The following ACVR1C variants were observed in gnomAD, a reference collection of about 807,000 sequenced individuals.
The protein encoded by ACVR1C is activin receptor type-1C.
In ACVR1C, 23 loss-of-function variants were observed where a neutral mutation model predicts 57.9. The observed-to-expected ratio is 0.40, with a 90% CI of 0.29 to 0.56. ACVR1C has a LOEUF of 0.56. ACVR1C is among the 20% of genes least tolerant of loss of function. The pLI, the probability that ACVR1C is intolerant of heterozygous loss-of-function variation, is 0.50. For synonymous variants in ACVR1C, 214 were observed against 215.3 expected (o/e 0.99, Z 0.05); for missense variants, 480 against 607.9 (o/e 0.79, Z 2.21).
chr2:157,610,885 C>A (rs1682516465), intron 1 of ACVR1C, among the ~76,000 whole-genome samples: 1 of 151,908 alleles, frequency 6.6e-6, no homozygotes, highest in African/African-American at 2.4e-5. Context: ...TCCAGGATTT[C>A]TTATTATATC....
intron 1 of ACVR1C, among the ~76,000 whole-genome samples, chr2:157,595,188 CA>C (rs1682063175): frequency 6.6e-6 from 1 of 152,242 alleles, no homozygotes; most frequent in Admixed American, 6.5e-5. Flanking sequence ...TCTCTTAAAA[CA>C]TCCCTTTGAA....
chr2:157,565,151 G>A (rs1558980036), intron 2 of ACVR1C, among the ~76,000 whole-genome samples: 1 of 151,950 alleles, frequency 6.6e-6, no homozygotes, highest in Non-Finnish European at 1.5e-5. Context: ...AAAAAGAGTG[G>A]GGGAGGAGGG....
At chr2:157,575,858 CTA>C (rs1245840224) in intron 2 of ACVR1C, among the ~76,000 whole-genome samples, 1 of 152,080 alleles carries the variant, frequency 6.6e-6, no homozygotes, top group Non-Finnish European at 1.5e-5. Context: ...AAGTCAGACA[CTA>C]TACAAATTGA....
chr2:157,534,083 C>G, intron 8 of ACVR1C, 40 bp from the exon 9 acceptor site: 1 of 1,434,098 alleles, frequency 7.0e-7, no homozygotes, highest in Non-Finnish European at 9.2e-7. Flanking sequence ...TTTAGCTACT[C>G]TACATAAAAC....
chr2:157,541,172 A>G lies in ACVR1C; in HGVS notation c.1143T>C (p.Asn381=), dbSNP rs1558969222. ...PEMLDDTMNV[N]IFESFKRADI... ...CAGCTCGTTTGAAGGACTCAAAGAT[A>G]TTCACATTCATTGTATCATCAAGCA... Residue 381 remains asparagine (N), a synonymous_variant, in exon 7 of 9, where the codon AAT becomes AAC. Coordinates refer to ENST00000243349, the MANE Select transcript of ACVR1C (RefSeq NM_145259.3). The G allele has an allele frequency of 6.2e-7, 1 of 1,613,968 alleles. No homozygotes were observed. The highest frequency in any genetic ancestry group is 8.5e-7 in the Non-Finnish European group (1 of 1,179,894).
At chr2:157,608,841 TTTTG>T (rs1442169819) in intron 1 of ACVR1C, among the ~76,000 whole-genome samples, 3 of 152,094 alleles carry the variant, frequency 2.0e-5, no homozygotes, top group Admixed American at 6.5e-5. Flanking sequence ...TCACTTCTGA[TTTTG>T]TTTATTTGTG....
chr2:157,528,952 A>G lies in ACVR1C; in HGVS notation c.*4966T>C, dbSNP rs1687296599. 2 of 152,192 alleles carry G rather than the reference A, an allele frequency of 1.3e-5. No homozygotes were observed. The highest frequency in any genetic ancestry group is 2.9e-5 in the Non-Finnish European group (2 of 68,020). 9.4% of individuals were successfully genotyped at this position (152,192 alleles called of 1,614,324 possible). A position where few individuals can be genotyped will look rare whatever the true frequency, so the allele number is the denominator to read the frequency against. ...AGAAGTTTGGACAGGTTAAACGACA[A>G]CTAAAGAAATACAGGAATTATAGAG... On this transcript the variant is annotated 3_prime_UTR_variant, in exon 9 of 9. Transcript: ENST00000243349.
chr2:157,594,261 A>G (rs1265860724), intron 1 of ACVR1C, among the ~76,000 whole-genome samples: 1 of 152,126 alleles, frequency 6.6e-6, no homozygotes, highest in Non-Finnish European at 1.5e-5. Flanking sequence ...CAATCTCTCC[A>G]GATCTTATCT....
chr2:157,612,235 T>G (rs1682551083), intron 1 of ACVR1C, among the ~76,000 whole-genome samples: 1 of 152,008 alleles, frequency 6.6e-6, no homozygotes, highest in South Asian at 2.1e-4. Flanking sequence ...TTTGGGGGGT[T>G]AGTGGGGAGG....
At position 157,532,355 on chromosome 2, in the gene ACVR1C, A is replaced by G. The variant is rs1687372564; in HGVS notation, c.*1563T>C. 6.7e-6 allele frequency: 1 copy of G among 149,662 alleles called. No individual in the cohort carries two copies. The highest frequency in any genetic ancestry group is 6.7e-5 in the Admixed American group (1 of 14,920). 9.3% of individuals were successfully genotyped at this position (149,662 alleles called of 1,614,324 possible). ...CCAGTTTAAAAAAAAATCAAGTAGC[A>G]TTTCTTTACTGTTATTAGTTTTTTT... On this transcript the variant is annotated 3_prime_UTR_variant, in exon 9 of 9. Transcript: ENST00000243349.
chr2:157,595,156 C>T (rs974837351), intron 1 of ACVR1C, among the ~76,000 whole-genome samples: 6 of 152,182 alleles, frequency 3.9e-5, no homozygotes. Flanking sequence ...AAATGGTTCA[C>T]GACAAAATTA....
At chr2:157,579,107 T>C (rs545960850) in intron 2 of ACVR1C, among the ~76,000 whole-genome samples, 1 of 152,342 alleles carries the variant, frequency 6.6e-6, no homozygotes, top group Non-Finnish European at 1.5e-5. Context: ...TTTGGAAGTC[T>C]TTTTATTTGT....
rs1042032403 is a variant in ACVR1C at position 157,529,860 on chromosome 2, C to T, written c.*4058G>A. 6.6e-6 allele frequency: 1 copy of T among 151,842 alleles called. No individual in the cohort carries two copies. Among genetic ancestry groups the T allele is most frequent in the African/African-American group, 2.4e-5 (1 of 41,384 alleles). The allele number at this position is 151,842 out of a possible 1,614,324, so 9.4% of individuals were successfully genotyped here. A position where few individuals can be genotyped will look rare whatever the true frequency, so the allele number is the denominator to read the frequency against. On this transcript the variant is annotated 3_prime_UTR_variant, in exon 9 of 9. Transcript: ENST00000243349. ...TCATTAAAATGTTTTGAAAAATGCC[C>T]ATATTATAAAAATTCTATTTAATAT...
intron 1 of ACVR1C, among the ~76,000 whole-genome samples, chr2:157,622,116 C>G (rs545117718): frequency 1.4e-4 from 22 of 152,144 alleles, no homozygotes; most frequent in African/African-American, 4.3e-4. Flanking sequence ...CATACTATCC[C>G]AATTTCTTCA....
intron 1 of ACVR1C, among the ~76,000 whole-genome samples, chr2:157,615,540 A>G (rs1411226195): frequency 6.6e-6 from 1 of 152,046 alleles, no homozygotes; most frequent in African/African-American, 2.4e-5. Context: ...ATACCTGGCT[A>G]ATTTTTTTCA....
At chr2:157,623,909 A>T (rs1271385765) in intron 1 of ACVR1C, among the ~76,000 whole-genome samples, 2 of 152,054 alleles carry the variant, frequency 1.3e-5, no homozygotes, top group Admixed American at 1.3e-4. Context: ...GAATAATTTA[A>T]ATTTTTTTAA....
chr2:157,563,730 C>T (rs1450116024), intron 2 of ACVR1C, among the ~76,000 whole-genome samples: 1 of 152,214 alleles, frequency 6.6e-6, no homozygotes, highest in African/African-American at 2.4e-5. Flanking sequence ...TGCAAGGCTA[C>T]AGTAACCAAA....
In ACVR1C at chr2:157,564,794, T is replaced by C. The variant is rs139927272; in HGVS notation, c.305-8462A>G. On this transcript the variant is annotated intron_variant, in intron 2 of 8. Transcript: ENST00000243349. ...GCAGCCATAAGAAGGAATGAGATCA[T>C]GTCCTTTGCAGGGACATGGATAAAG... is the stretch of plus-strand genomic sequence containing the variant. Among the ~76,000 whole-genome samples, 674 of 152,322 alleles carry C rather than the reference T, an allele frequency of 4.4e-3. 6 individuals are homozygous for C. The highest frequency in any genetic ancestry group is 0.015 in the African/African-American group (640 of 41,566).
chr2:157,541,050 C>T, intron 7 of ACVR1C, 40 bp downstream of exon 7: 1 of 1,599,140 alleles, frequency 6.3e-7, no homozygotes, highest in South Asian at 1.1e-5. Context: ...TTCAGAGTAT[C>T]AAGGAAAGGC....
Sources: gnomAD v4.1 joint callset for allele counts (sites outside exome capture counted in the v4.1 genomes callset) on GRCh38, gnomAD v4.1.1 for gene constraint, MANE v1.5 for transcripts, NCBI Gene and HGNC (gene_info 2026-07-23, HGNC 2026-07-21) for gene names.